The following LMNTD1 variants were observed in gnomAD, a reference collection of about 807,000 sequenced individuals.
LMNTD1 encodes the protein lamin tail domain-containing protein 1.
Under a neutral mutation model 50.9 loss-of-function variants are expected in LMNTD1, and 35 were observed. That is an observed-to-expected ratio of 0.69 (90% CI 0.53 to 0.91). The LOEUF is 0.91. Ranked by LOEUF, LMNTD1 falls within the 40% of genes least tolerant of loss-of-function variation. The pLI is 0.00. For synonymous variants in LMNTD1, 153 were observed against 161.9 expected (o/e 0.94, Z 0.42); for missense variants, 470 against 475.5 (o/e 0.99, Z 0.11).
At chr12:25,629,142 A>C (rs1946659346) in intron 1 of LMNTD1, among the ~76,000 whole-genome samples, 1 of 152,240 alleles carries the variant, frequency 6.6e-6, no homozygotes, top group African/African-American at 2.4e-5. Flanking sequence ...ACTCTCTGGG[A>C]TTCGAGCCAT....
rs201866644 is a variant in LMNTD1 at position 25,636,656 on chromosome 12, CATT to C, written c.58+11835_58+11837del. 3.7e-3 allele frequency among the ~76,000 whole-genome samples: 559 copies of C among 152,200 alleles called. 5 individuals carry two copies. In the East Asian group the frequency reaches 0.041, roughly 11 times the overall value. ...GGTATCTGCCCAGAGAAAAAGAAGA[CATT>C]ATACGAAAAAGACACTTGCACATGC... On this transcript the variant is annotated intron_variant, in intron 1 of 7. Transcript: ENST00000445693.
intron 1 of LMNTD1, among the ~76,000 whole-genome samples, chr12:25,637,919 A>G (rs930806322): frequency 1.3e-5 from 2 of 152,120 alleles, no homozygotes; most frequent in Non-Finnish European, 2.9e-5. Context: ...CCACAGACTA[A>G]TATTCCATAT....
intron 1 of LMNTD1, among the ~76,000 whole-genome samples, chr12:25,627,051 C>G (rs1946605406): frequency 6.6e-6 from 1 of 152,118 alleles, no homozygotes; most frequent in African/African-American, 2.4e-5. Flanking sequence ...AGTTCTGCAC[C>G]CAGAAAACAC....
chr12:25,579,774 T>C (rs1295176997), intron 1 of LMNTD1, among the ~76,000 whole-genome samples: 2 of 152,092 alleles, frequency 1.3e-5, no homozygotes, highest in Non-Finnish European at 2.9e-5. Context: ...AACCAACCAC[T>C]ACATATTATC....
At chr12:25,503,139 G>A (rs1358607923) in intron 9 of LMNTD1, 1 of 152,158 alleles carries the variant, frequency 6.6e-6, no homozygotes, top group Non-Finnish European at 1.5e-5. Flanking sequence ...CAAACCAAAA[G>A]GAATCTTCAT....
At chr12:25,551,424 C>A (rs553366382) in intron 2 of LMNTD1, among the ~76,000 whole-genome samples, 1 of 152,142 alleles carries the variant, frequency 6.6e-6, no homozygotes, top group African/African-American at 2.4e-5. Context: ...GGGTCTCTCT[C>A]TGTCATCCAG....
chr12:25,487,466 T>A (rs1272102888), intron 9 of LMNTD1, among the ~76,000 whole-genome samples: 1 of 139,230 alleles, frequency 7.2e-6, no homozygotes, highest in African/African-American at 2.7e-5. Flanking sequence ...CCCCTGCCTT[T>A]TTTTGTTTTC....
intron 1 of LMNTD1, among the ~76,000 whole-genome samples, chr12:25,638,947 G>A (rs1946893325): frequency 6.6e-6 from 1 of 152,168 alleles, no homozygotes; most frequent in African/African-American, 2.4e-5. Context: ...ATGAAATGTG[G>A]TCCTCTGGCA....
chr12:25,586,888 T>G (rs1180757890), intron 1 of LMNTD1, among the ~76,000 whole-genome samples: 1 of 152,156 alleles, frequency 6.6e-6, no homozygotes, highest in Non-Finnish European at 1.5e-5. Flanking sequence ...ACAAACTCCT[T>G]GACAAACCAC....
chr12:25,488,950 G>T (rs1191454457), intron 9 of LMNTD1, among the ~76,000 whole-genome samples: 3 of 152,194 alleles, frequency 2.0e-5, no homozygotes, highest in Admixed American at 1.3e-4. Context: ...GGGGGTCAGG[G>T]GTCAGGGACC....
chr12:25,546,528 T>C lies in LMNTD1; in HGVS notation c.337A>G (p.Lys113Glu). The change falls in exon 4 of 10, where the codon AAA becomes GAA. Residue 113 changes from lysine to glutamate, a missense_variant. Transcript: ENST00000458174. The part of the protein sequence containing the change: ...LDASPFSVPK[K>E]QDESPMIGDG... ...CCAATCATGGGTGATTCATCCTGTT[T>C]CTTCGGAACTGAGAAGGGGCTGGCA... 6.4e-7 allele frequency: 1 copy of C among 1,565,632 alleles called. No homozygotes were observed.
intron 1 of LMNTD1, among the ~76,000 whole-genome samples, chr12:25,589,140 C>A (rs1945624243): frequency 6.6e-6 from 1 of 152,118 alleles, no homozygotes; most frequent in African/African-American, 2.4e-5. Flanking sequence ...TTCATAGCAA[C>A]ATCATTTATT....
intron 1 of LMNTD1, among the ~76,000 whole-genome samples, chr12:25,619,493 G>T (rs1288910997): frequency 6.6e-6 from 1 of 152,138 alleles, no homozygotes; most frequent in Non-Finnish European, 1.5e-5. Context: ...TTTGTAATCA[G>T]TTCACAAGAC....
At chr12:25,494,603 TAA>T (rs1938998684) in intron 9 of LMNTD1, among the ~76,000 whole-genome samples, 1 of 152,164 alleles carries the variant, frequency 6.6e-6, no homozygotes, top group Non-Finnish European at 1.5e-5. Flanking sequence ...AGATATATTT[TAA>T]GTCAGTACTC....
At chr12:25,576,451 G>A (rs1164944329) in intron 1 of LMNTD1, among the ~76,000 whole-genome samples, 1 of 152,122 alleles carries the variant, frequency 6.6e-6, no homozygotes, top group Non-Finnish European at 1.5e-5. Context: ...GTGATGATGA[G>A]CATTTTTTCA....
At chr12:25,498,760 TA>T (rs1442139746) in intron 9 of LMNTD1, among the ~76,000 whole-genome samples, 3 of 151,930 alleles carry the variant, frequency 2.0e-5, no homozygotes, top group South Asian at 2.1e-4. Context: ...CCTAAGGAAT[TA>T]TTTTTTTTAT....
At chr12:25,631,399 A>T (rs10842590) in intron 1 of LMNTD1, among the ~76,000 whole-genome samples, 1 of 150,486 alleles carries the variant, frequency 6.6e-6, no homozygotes, top group Non-Finnish European at 1.5e-5. Context: ...CATTGCACCC[A>T]CCCCTTGCCA....
intron 2 of LMNTD1, 134 bp from the exon 3 acceptor site, chr12:25,549,680 A>G: frequency 2.3e-6 from 1 of 441,596 alleles, no homozygotes; most frequent in Non-Finnish European, 3.9e-6. Context: ...CAAGCACAAT[A>G]ACATCTTGTA....
At chr12:25,590,620 C>T (rs777563526) in intron 1 of LMNTD1, among the ~76,000 whole-genome samples, 1 of 152,192 alleles carries the variant, frequency 6.6e-6, no homozygotes, top group Non-Finnish European at 1.5e-5. Flanking sequence ...GGCTGCATAG[C>T]TTGTGGCTTA....
Sources: gnomAD v4.1 joint callset for allele counts (sites outside exome capture counted in the v4.1 genomes callset) on GRCh38, gnomAD v4.1.1 for gene constraint, MANE v1.5 for transcripts, NCBI Gene and HGNC (gene_info 2026-07-23, HGNC 2026-07-21) for gene names.